Variants in CEP63 observed in about 807,000 individuals in gnomAD.
The protein encoded by CEP63 is centrosomal protein 63, also known as centrosomal protein of 63 kDa.
CEP63 carries 84 observed loss-of-function variants against 89.1 expected under a neutral mutation model. The observed-to-expected ratio is 0.94, with a 90% CI of 0.79 to 1.13. The LOEUF is 1.13. Ranked by LOEUF, CEP63 falls within the 50% of genes most tolerant of loss-of-function variation. The pLI, the probability that CEP63 is intolerant of heterozygous loss-of-function variation, is 0.00. For missense variants in CEP63, 838 were observed against 813.3 expected, an observed-to-expected ratio of 1.03 and a Z score of -0.37; for synonymous variants, 267 against 272.5, an observed-to-expected ratio of 0.98 and a Z score of 0.20.
chr3:134,513,007 C>G (rs887404344), intron 3 of CEP63, among the ~76,000 whole-genome samples: 7 of 152,158 alleles, frequency 4.6e-5, no homozygotes, highest in African/African-American at 1.7e-4. Context: ...AGGTGTAAAT[C>G]TTCTGCCATT....
chr3:134,677,913 C>A, the CEP63 span, among the ~76,000 whole-genome samples: 1 of 152,050 alleles, frequency 6.6e-6, no homozygotes, highest in African/African-American at 2.4e-5. Flanking sequence ...CTCCACGTCC[C>A]TATCACTACC....
At chr3:134,510,302 G>T (rs1321221706) in intron 3 of CEP63, among the ~76,000 whole-genome samples, 2 of 152,162 alleles carry the variant, frequency 1.3e-5, no homozygotes, top group Non-Finnish European at 2.9e-5. Flanking sequence ...ATGGTAATTT[G>T]TGAAATGTTT....
the CEP63 span, among the ~76,000 whole-genome samples, chr3:134,657,517 T>G: frequency 1.3e-5 from 2 of 152,230 alleles, no homozygotes; most frequent in Admixed American, 1.3e-4. Flanking sequence ...AAAAGCTAAT[T>G]TAAAAGATTG....
chr3:134,603,454 G>C, the CEP63 span: 2 of 825,268 alleles, frequency 2.4e-6, no homozygotes, highest in Admixed American at 5.2e-5. Flanking sequence ...GGGACACTGA[G>C]GCAGAGGCCT....
chr3:134,699,362 A>G, the CEP63 span, among the ~76,000 whole-genome samples: 1 of 152,124 alleles, frequency 6.6e-6, no homozygotes, highest in Non-Finnish European at 1.5e-5. Flanking sequence ...TTGGGAGGGG[A>G]CAGGATTGAC....
downstream of CEP63, among the ~76,000 whole-genome samples, chr3:134,568,070 T>C (rs975143184): frequency 1.3e-5 from 2 of 152,170 alleles, no homozygotes; most frequent in Admixed American, 6.5e-5. Flanking sequence ...GAGAAACAGA[T>C]GAGCTAAGAT....
chr3:134,741,075 A>G, the CEP63 span, among the ~76,000 whole-genome samples: 3 of 152,092 alleles, frequency 2.0e-5, no homozygotes, highest in Admixed American at 2.0e-4. Context: ...ATTTCAATTT[A>G]TATATTGTAA....
chr3:134,747,710 G>C, the CEP63 span, among the ~76,000 whole-genome samples: 1,424 of 152,288 alleles, frequency 9.4e-3, 6 homozygotes, highest in Non-Finnish European at 0.012. Context: ...TGGAAGAAAG[G>C]GGGGGAGAGT....
At chr3:134,675,660 T>C in the CEP63 span, among the ~76,000 whole-genome samples, 1 of 152,206 alleles carries the variant, frequency 6.6e-6, no homozygotes, top group Admixed American at 6.5e-5. Flanking sequence ...ATCTACACTA[T>C]ATAAACAACT....
At chr3:134,770,303 G>A in the CEP63 span, among the ~76,000 whole-genome samples, 1 of 152,220 alleles carries the variant, frequency 6.6e-6, no homozygotes, top group Non-Finnish European at 1.5e-5. Context: ...AGGTGATTCT[G>A]AGGTAGCCAG....
At chr3:134,768,083 G>A in the CEP63 span, among the ~76,000 whole-genome samples, 7 of 152,190 alleles carry the variant, frequency 4.6e-5, no homozygotes, top group South Asian at 8.3e-4. Flanking sequence ...AGGAGTGACC[G>A]GAGATGAGGC....
At chr3:134,746,974 T>C in the CEP63 span, among the ~76,000 whole-genome samples, 2 of 152,166 alleles carry the variant, frequency 1.3e-5, no homozygotes, top group South Asian at 4.1e-4. Flanking sequence ...TCATTGCTTT[T>C]TTTTAGTCAT....
At chr3:134,703,590 C>G in the CEP63 span, among the ~76,000 whole-genome samples, 1 of 151,868 alleles carries the variant, frequency 6.6e-6, no homozygotes, top group African/African-American at 2.4e-5. Flanking sequence ...TGCATGGACA[C>G]ATGGCCGGGG....
At chr3:134,488,010 C>A (rs1277525170) in intron 1 of CEP63, 5 of 152,202 alleles carry the variant, frequency 3.3e-5, no homozygotes, top group Non-Finnish European at 7.3e-5. Flanking sequence ...TTTGTGTCCT[C>A]TAAACCAGGG....
At chr3:134,559,941 C>T (rs1036734709) in intron 14 of CEP63, among the ~76,000 whole-genome samples, 11 of 152,218 alleles carry the variant, frequency 7.2e-5, no homozygotes, top group African/African-American at 2.4e-4. Context: ...CATTGCTGGG[C>T]AGGCTGCACC....
chr3:134,532,722 A>T, intron 4 of CEP63, 56 bp from the exon 5 acceptor site: 1 of 1,456,568 alleles, frequency 6.9e-7, no homozygotes, highest in Non-Finnish European at 9.5e-7. Context: ...AATTTGTCTC[A>T]CCACTACTTC....
intron 3 of CEP63, among the ~76,000 whole-genome samples, chr3:134,528,712 C>A (rs980805423): frequency 6.6e-6 from 1 of 152,100 alleles, no homozygotes; most frequent in Non-Finnish European, 1.5e-5. Context: ...ACATGAGTCT[C>A]CTTTTGGGAT....
chr3:134,717,246 A>G, the CEP63 span, among the ~76,000 whole-genome samples: 6 of 152,196 alleles, frequency 3.9e-5, no homozygotes, highest in African/African-American at 1.4e-4. Flanking sequence ...TCCTATTGCT[A>G]AAGTTCCATG....
In CEP63 at chr3:134,492,889, A is replaced by G. The variant is rs116168743; in HGVS notation, c.-25-2407A>G. Among the ~76,000 whole-genome samples the G allele has an allele frequency of 2.2e-3, 341 of 151,992 alleles. 3 individuals carry two copies. The highest frequency in any genetic ancestry group is 3.9e-3 in the Non-Finnish European group (268 of 67,928). On this transcript the variant is annotated intron_variant, in intron 1 of 14. Coordinates refer to ENST00000675561, the MANE Select transcript of CEP63 (RefSeq NM_001353108.3). ...TAGTTTATCATAGTCAAGTTATTTAACTCTCTAAGCCTGTTTTCTCAAAGT... is the reference window on the plus strand; with the variant it reads ...TAGTTTATCATAGTCAAGTTATTTAGCTCTCTAAGCCTGTTTTCTCAAAGT...
Sources: allele counts gnomAD v4.1 joint callset (sites outside exome capture counted in the v4.1 genomes callset), GRCh38; gene constraint gnomAD v4.1.1; transcripts MANE v1.5; gene names NCBI Gene and HGNC (gene_info 2026-07-23, HGNC 2026-07-21).